ARSH: variants seen among roughly 807,000 people sequenced by gnomAD.
The protein encoded by ARSH is arylsulfatase family member H.
In ARSH, 32 loss-of-function variants were observed where a neutral mutation model predicts 28.7. The observed-to-expected ratio is 1.11, with a 90% CI of 0.84 to 1.50. ARSH has a LOEUF of 1.50. ARSH is among the 40% of genes most tolerant of loss of function. ARSH has a pLI of 0.00. For synonymous variants in ARSH, 176 were observed against 177.3 expected, an observed-to-expected ratio of 0.99 and a Z score of 0.06; for missense variants, 440 against 452.4, an observed-to-expected ratio of 0.97 and a Z score of 0.25.
intron 6 of ARSH, among the ~76,000 whole-genome samples, chrX:3,025,379 G>A (rs1031022989): frequency 9.7e-6 from 1 of 103,183 alleles, no homozygotes; most frequent in African/African-American, 3.5e-5. Context: ...TATATATTCA[G>A]TATATATAAT....
intron 2 of ARSH, among the ~76,000 whole-genome samples, chrX:3,011,565 T>C (rs769750836): frequency 1.2e-3 from 134 of 111,903 alleles, no homozygotes; most frequent in African/African-American, 3.8e-3. Context: ...TTCAGGGAAT[T>C]TTAAGTATTG....
chrX:3,016,554 C>T lies in ARSH; in HGVS notation c.764+1161C>T, dbSNP rs182166661. On this transcript the variant is annotated intron_variant, in intron 4 of 8. Coordinates refer to ENST00000381130, the MANE Select transcript of ARSH (RefSeq NM_001011719.2). ...TATAATGAGCTCTCATCATCCCATACCAGCTCACTCCTACGTTACAAATTA... is the reference window on the plus strand; with the variant it reads ...TATAATGAGCTCTCATCATCCCATATCAGCTCACTCCTACGTTACAAATTA... 2.7e-3 allele frequency among the ~76,000 whole-genome samples: 293 copies of T among 110,504 alleles called. 2 individuals are homozygous for T. Among genetic ancestry groups the T allele is most frequent in the African/African-American group, 9.3e-3 (281 of 30,373 alleles).
chrX:3,006,833 G>A (rs1444768974), intron 1 of ARSH, 129 bp downstream of exon 1: 1 of 501,764 alleles, frequency 2.0e-6, no homozygotes, highest in Non-Finnish European at 3.1e-6. Context: ...AGGAATAGCA[G>A]AGGTCACTGG....
At chrX:3,009,351 A>G (rs907007503) in intron 1 of ARSH, among the ~76,000 whole-genome samples, 3 of 111,037 alleles carry the variant, frequency 2.7e-5, no homozygotes, top group African/African-American at 9.8e-5. Flanking sequence ...TCATGCCTGT[A>G]ATCCCAGCTA....
chrX:3,024,939 G>T (rs982387274), intron 6 of ARSH, among the ~76,000 whole-genome samples: 6 of 110,672 alleles, frequency 5.4e-5, no homozygotes, highest in Non-Finnish European at 1.1e-4. Context: ...AACTAAAAGG[G>T]TATCAAAATC....
rs1183271572 is a variant in ARSH at position 3,012,540 on chromosome X, C to CA, written c.215-478dup. 9.1e-3 allele frequency among the ~76,000 whole-genome samples: 54 copies of CA among 5,910 alleles called. 14 individuals carry two copies. The highest frequency in any genetic ancestry group is 0.021 in the East Asian group (2 of 97). 5.1% of individuals were successfully genotyped at this position (5,910 alleles called of 115,157 possible). A position where few individuals can be genotyped will look rare whatever the true frequency, so the allele number is the denominator to read the frequency against. On this transcript the variant is annotated intron_variant, in intron 2 of 8. Transcript: ENST00000381130. ...TGGGTGACAGAGTGAAACTCCATCT[C>CA]AAAAAAAAAAAAAAAAAAAAAAAAA...
chrX:3,025,764 T>C (rs905303288), intron 6 of ARSH, among the ~76,000 whole-genome samples: 72 of 110,426 alleles, frequency 6.5e-4, no homozygotes, highest in African/African-American at 2.3e-3. Context: ...ATATATGCCA[T>C]CTAACGAAGT....
intron 7 of ARSH, among the ~76,000 whole-genome samples, chrX:3,028,588 C>A (rs1042390372): frequency 9.0e-6 from 1 of 110,923 alleles, no homozygotes; most frequent in African/African-American, 3.3e-5. Flanking sequence ...GATATCTATT[C>A]ATTAAATGTG....
intron 8 of ARSH, among the ~76,000 whole-genome samples, chrX:3,032,032 G>C (rs2089915413): frequency 9.0e-6 from 1 of 111,666 alleles, no homozygotes; most frequent in Admixed American, 9.6e-5. Flanking sequence ...ATTTTAGTAG[G>C]AAAGCACAGC....
Position 3,033,587 on chromosome X carries a change from T to A in ARSH, c.*202T>A. ...CAGTGAACCTGGAGGGGAGCATTTG[T>A]TGTATAATTTTTTTCTAGTATATAA... On this transcript the variant is annotated 3_prime_UTR_variant, in exon 9 of 9. Coordinates refer to ENST00000381130, the MANE Select transcript of ARSH (RefSeq NM_001011719.2). 2 of 359,574 alleles carry A rather than the reference T, an allele frequency of 5.6e-6. No homozygotes were observed. The highest frequency in any genetic ancestry group is 9.2e-6 in the Non-Finnish European group (2 of 216,869). 29.6% of individuals were successfully genotyped at this position (359,574 alleles called of 1,213,427 possible). A position where few individuals can be genotyped will look rare whatever the true frequency, so the allele number is the denominator to read the frequency against.
At chrX:3,010,653 T>C (rs1313818519) in intron 2 of ARSH, among the ~76,000 whole-genome samples, 1 of 112,310 alleles carries the variant, frequency 8.9e-6, no homozygotes, top group Non-Finnish European at 1.9e-5. Flanking sequence ...ATAACGACAA[T>C]TAAATGTGTT....
rs373570475 is a variant in ARSH at position 3,027,374 on chromosome X, G to A, written c.1098G>A (p.Pro366=). The change falls in exon 7 of 9, where the codon CCG becomes CCA. Residue 366 remains proline, a synonymous_variant. Transcript: ENST00000381130. ...GIRVPGIFRW[P]SVLEAGRVIN... ...GTGTGCCAGGGATATTCCGGTGGCC[G>A]TCAGTCTTGGAGGCTGGGAGAGTGA... 37 of 1,209,588 alleles carry A rather than the reference G, an allele frequency of 3.1e-5. No homozygotes were observed. Among genetic ancestry groups the A allele is most frequent in the Non-Finnish European group, 3.5e-5 (31 of 894,886 alleles).
Position 3,015,139 on chromosome X carries a change from C to T in ARSH, c.510C>T (p.Ser170=). The T allele has an allele frequency of 1.7e-6, 2 of 1,208,402 alleles. No homozygotes were observed. The highest frequency in any genetic ancestry group is 2.3e-4 in the Middle Eastern group (1 of 4,348). ...HRWLRIKLWI[S]TVALALVPFL... is the part of the protein sequence containing the mutation. ...GGCTCAGGATCAAACTGTGGATCTC[C>T]ACGGTAGCCCTTGCCCTGGTTCCTT... The change falls in exon 4 of 9, where the codon TCC becomes TCT. Residue 170 remains serine, a synonymous_variant. Coordinates refer to ENST00000381130, the MANE Select transcript of ARSH (RefSeq NM_001011719.2).
At chrX:3,029,953 C>T (rs2089909453) in intron 8 of ARSH, among the ~76,000 whole-genome samples, 1 of 111,914 alleles carries the variant, frequency 8.9e-6, no homozygotes, top group Non-Finnish European at 1.9e-5. Flanking sequence ...AGGCTGGTCT[C>T]GAACTGCTGA....
intron 6 of ARSH, 125 bp from the exon 7 acceptor site, chrX:3,027,188 G>T: frequency 1.5e-6 from 1 of 672,720 alleles, no homozygotes; most frequent in East Asian, 3.4e-5. Flanking sequence ...TTGAACTCCT[G>T]ACCTCAAGTG....
intron 3 of ARSH, among the ~76,000 whole-genome samples, chrX:3,013,741 C>A (rs868310692): frequency 9.0e-6 from 1 of 110,560 alleles, no homozygotes; most frequent in Middle Eastern, 4.6e-3. Context: ...TTGTACGGTC[C>A]ACTATTTTTG....
In ARSH at chrX:3,006,582, C is replaced by A; in HGVS notation, c.-31C>A. ...GCTGCTGGCTGTCAGTGTCCCTGTG[C>A]TGTTTGTTTTGCGGTGTTGATGGCA... On this transcript the variant is annotated 5_prime_UTR_variant, in exon 1 of 9. It adds an upstream start codon to the 5' untranslated region. Transcript: ENST00000381130. The A allele has an allele frequency of 1.7e-6, 2 of 1,150,985 alleles. No homozygotes were observed. The highest frequency in any genetic ancestry group is 2.4e-6 in the Non-Finnish European group (2 of 841,364). The allele number at this position is 1,150,985 out of a possible 1,213,427, so 94.9% of individuals were successfully genotyped here. A position where few individuals can be genotyped will look rare whatever the true frequency, so the allele number is the denominator to read the frequency against.
intron 6 of ARSH, among the ~76,000 whole-genome samples, chrX:3,027,033 C>T (rs1433645833): frequency 9.1e-6 from 1 of 110,291 alleles, no homozygotes; most frequent in Non-Finnish European, 1.9e-5. Context: ...TCTCGGCTCA[C>T]CACAACCTTC....
chrX:3,033,547 A>T lies in ARSH; in HGVS notation c.*162A>T. On this transcript the variant is annotated 3_prime_UTR_variant, in exon 9 of 9. Coordinates refer to ENST00000381130, the MANE Select transcript of ARSH (RefSeq NM_001011719.2). ...TCTTTCAAGAGCTCGGTGAAATTAA[A>T]GTGGGCCCATATAACAGTGAACCTG... 1 of 536,956 alleles carries T rather than the reference A, an allele frequency of 1.9e-6. No individual in the cohort carries two copies. Among genetic ancestry groups the T allele is most frequent in the Non-Finnish European group, 2.8e-6 (1 of 356,083 alleles). The allele number at this position is 536,956 out of a possible 1,213,427, so 44.3% of individuals were successfully genotyped here.
Sources: allele counts gnomAD v4.1 joint callset (sites outside exome capture counted in the v4.1 genomes callset), GRCh38; gene constraint gnomAD v4.1.1; transcripts MANE v1.5; gene names NCBI Gene and HGNC (gene_info 2026-07-23, HGNC 2026-07-21).